The following COL6A6 variants were observed in gnomAD, a reference collection of about 807,000 sequenced individuals.
The protein encoded by COL6A6 is collagen alpha-6(VI) chain.
A neutral mutation model predicts 208.6 loss-of-function variants in COL6A6; 183 were observed. The ratio of observed to expected loss-of-function variants is 0.88; its 90% confidence interval spans 0.78 to 0.99. The LOEUF (loss-of-function observed/expected upper bound fraction) is 0.99. COL6A6 is among the 50% of genes least tolerant of loss of function. The probability of loss-of-function intolerance (pLI) is 0.00; values close to 1 mark genes in which losing one functional copy is unlikely to be tolerated. For missense variants in COL6A6, 2,816 were observed against 2,815.2 expected, an observed-to-expected ratio of 1.00 and a Z score of -0.01; for synonymous variants, 973 against 1,011.8, an observed-to-expected ratio of 0.96 and a Z score of 0.73.
At chr3:130,563,860 C>T (rs187258078) in intron 3 of COL6A6, among the ~76,000 whole-genome samples, 196 bp downstream of exon 3, 1 of 152,308 alleles carries the variant, frequency 6.6e-6, no homozygotes. Context: ...CTTGGTTTTT[C>T]ATGTTTCACT....
At chr3:130,643,932 G>A (rs139698809) in intron 31 of COL6A6, among the ~76,000 whole-genome samples, 56 of 152,304 alleles carry the variant, frequency 3.7e-4, no homozygotes, top group African/African-American at 1.2e-3. Flanking sequence ...CAAAACACAT[G>A]TATACATTGA....
At chr3:130,635,889 G>A in intron 28 of COL6A6, 128 bp downstream of exon 28, 1 of 665,960 alleles carries the variant, frequency 1.5e-6, no homozygotes. Context: ...TTCTATTAAG[G>A]CAAACTTGGG....
At position 130,660,031 on chromosome 3, in the gene COL6A6, T is replaced by C. The variant is rs114071819; in HGVS notation, c.5830+1259T>C. Among the ~76,000 whole-genome samples, 511 of 152,352 alleles carry C rather than the reference T, an allele frequency of 3.4e-3. 4 individuals are homozygous for C. The highest frequency in any genetic ancestry group is 0.012 in the African/African-American group (480 of 41,590). ...TACTGTGGGGAGATACATTCCACCC[T>C]ATGTATTCTCAGTTGCTTTTTCAAA... On this transcript the variant is annotated intron_variant, in intron 34 of 36. Coordinates refer to ENST00000358511, the MANE Select transcript of COL6A6 (RefSeq NM_001102608.3).
At position 130,606,975 on chromosome 3, in the gene COL6A6, AT is replaced by A; in HGVS notation, c.4689+14del. The A allele has an allele frequency of 6.2e-7, 1 of 1,604,656 alleles. No homozygotes were observed. The highest frequency in any genetic ancestry group is 8.5e-7 in the Non-Finnish European group (1 of 1,174,684). ...GACATACAGGCCCACAGGTACAATG[AT>A]TTTTCCCCTTAACTCCAAATAACAA... On this transcript the variant is annotated intron_variant, in intron 21 of 36. Coordinates refer to ENST00000358511, the MANE Select transcript of COL6A6 (RefSeq NM_001102608.3).
In COL6A6 at chr3:130,608,939, G is replaced by T. The variant is rs748697530; in HGVS notation, c.4727G>T (p.Gly1576Val). ...ATCCCAGGACCAGATGGACTTGAAG[G>T]CTCCCTGGGACTTAAGGGCCCTCAG... ...AGIPGPDGLE[G>V]SLGLKGPQGP... The change falls in exon 22 of 37, where the codon GGC (glycine) becomes GTC (valine). Residue 1576 changes from glycine (G) to valine (V), a missense_variant. By Grantham distance (109) the Gly-to-Val change is moderately radical. Coordinates refer to ENST00000358511, the MANE Select transcript of COL6A6 (RefSeq NM_001102608.3). 5 of 1,613,330 alleles carry T rather than the reference G, an allele frequency of 3.1e-6. No homozygotes were observed. Among genetic ancestry groups the T allele is most frequent in the Non-Finnish European group, 4.2e-6 (5 of 1,179,574 alleles).
chr3:130,568,719 T>C (rs1209145518), intron 6 of COL6A6, 115 bp downstream of exon 6: 3 of 1,034,300 alleles, frequency 2.9e-6, no homozygotes, highest in East Asian at 5.1e-5. Context: ...TTAATTGAAA[T>C]GTTTCTCCTA....
intron 1 of COL6A6, among the ~76,000 whole-genome samples, chr3:130,534,520 C>G (rs1257294789): frequency 6.6e-6 from 1 of 152,094 alleles, no homozygotes; most frequent in African/African-American, 2.4e-5. Context: ...TTAATTTCTT[C>G]CAAAGTCATA....
intron 19 of COL6A6, among the ~76,000 whole-genome samples, 199 bp downstream of exon 19, chr3:130,598,629 C>T (rs768620651): frequency 1.5e-4 from 23 of 152,162 alleles, no homozygotes; most frequent in Admixed American, 1.2e-3. Context: ...TTGCCTTCCT[C>T]CTCTAAATTT....
In COL6A6 at chr3:130,658,758, G is replaced by A; in HGVS notation, c.5816G>A (p.Cys1939Tyr). ...YIPALERLQR[C>Y]TFCYDVCKPD... ...CCAGCATTAGAGAGACTCCAGCGGT[G>A]CACTTTCTGCTATGGTAAGACCCAC... Residue 1939 changes from cysteine to tyrosine, a missense_variant, in exon 34 of 37, where the codon TGC becomes TAC. Transcript: ENST00000358511. 1 of 1,611,146 alleles carries A rather than the reference G, an allele frequency of 6.2e-7. No homozygotes were observed.
intron 1 of COL6A6, among the ~76,000 whole-genome samples, chr3:130,535,746 A>G (rs1326331343): frequency 6.6e-6 from 1 of 152,074 alleles, no homozygotes; most frequent in African/African-American, 2.4e-5. Context: ...TACCATATGG[A>G]TTTTGTAGGG....
At chr3:130,599,496 A>T (rs2063945894) in intron 19 of COL6A6, among the ~76,000 whole-genome samples, 1 of 152,188 alleles carries the variant, frequency 6.6e-6, no homozygotes, top group South Asian at 2.1e-4. Context: ...TGAGACATGT[A>T]CCCCAAATAC....
chr3:130,664,968 G>T, intron 35 of COL6A6, 35 bp from the exon 36 acceptor site: 1 of 1,380,790 alleles, frequency 7.2e-7, no homozygotes, highest in South Asian at 1.2e-5. Flanking sequence ...TAACAGTCAT[G>T]AATACAAGAC....
At chr3:130,609,544 G>T (rs1295367644) in intron 22 of COL6A6, among the ~76,000 whole-genome samples, 1 of 152,102 alleles carries the variant, frequency 6.6e-6, no homozygotes, top group African/African-American at 2.4e-5. Flanking sequence ...CACATGAGGG[G>T]CCAGAGAGGG....
intron 28 of COL6A6, among the ~76,000 whole-genome samples, chr3:130,637,456 G>A (rs1221289136): frequency 6.6e-6 from 1 of 151,946 alleles, no homozygotes; most frequent in African/African-American, 2.4e-5. Context: ...CTTTGAAAAT[G>A]TTTGAAAATT....
chr3:130,548,834 T>C (rs971531872), intron 1 of COL6A6, among the ~76,000 whole-genome samples: 21 of 152,356 alleles, frequency 1.4e-4, no homozygotes, highest in Admixed American at 3.9e-4. Context: ...TGGATTTCTT[T>C]TCTGGTAAGT....
At chr3:130,673,510 G>A (rs2066285347) in intron 36 of COL6A6, among the ~76,000 whole-genome samples, 1 of 152,110 alleles carries the variant, frequency 6.6e-6, no homozygotes, top group South Asian at 2.1e-4. Context: ...GCGTGAAGGG[G>A]CTAGGGAAGA....
In COL6A6 at chr3:130,644,192, T is replaced by G. The variant is rs201558620; in HGVS notation, c.5228-799T>G. Reference sequence around the variant, plus strand: ...GCATATTTTATTTTATAAGAGTATGTGATTGTGCGAACAACATGGCTAGGG... The same window carrying G: ...GCATATTTTATTTTATAAGAGTATGGGATTGTGCGAACAACATGGCTAGGG... On this transcript the variant is annotated intron_variant, in intron 31 of 36. Coordinates refer to ENST00000358511, the MANE Select transcript of COL6A6 (RefSeq NM_001102608.3). 2.6e-5 allele frequency among the ~76,000 whole-genome samples: 4 copies of G among 152,340 alleles called. No individual in the cohort carries two copies. The East Asian group carries it at 7.7e-4, about 29-fold the overall frequency.
chr3:130,602,945 G>C (rs2064069761), intron 20 of COL6A6, among the ~76,000 whole-genome samples: 1 of 152,172 alleles, frequency 6.6e-6, no homozygotes, highest in Non-Finnish European at 1.5e-5. Context: ...AAAATCTAGT[G>C]TTCACTGCAG....
chr3:130,676,905 A>T lies in COL6A6; in HGVS notation c.*1508A>T, dbSNP rs8969. ...CAGGAAATTAATGAGCAATATTTACAATGTATTTTAATAAAAGGGATTTTT... is the reference window on the plus strand; with the variant it reads ...CAGGAAATTAATGAGCAATATTTACTATGTATTTTAATAAAAGGGATTTTT... On this transcript the variant is annotated 3_prime_UTR_variant, in exon 37 of 37. Transcript: ENST00000358511. 2 of 152,104 alleles carry T rather than the reference A, an allele frequency of 1.3e-5. No homozygotes were observed. Among genetic ancestry groups the T allele is most frequent in the Admixed American group, 1.3e-4 (2 of 15,266 alleles). 9.4% of individuals were successfully genotyped at this position (152,104 alleles called of 1,614,324 possible).
Sources: gnomAD v4.1 joint callset for allele counts (sites outside exome capture counted in the v4.1 genomes callset) on GRCh38, gnomAD v4.1.1 for gene constraint, MANE v1.5 for transcripts, NCBI Gene and HGNC (gene_info 2026-07-23, HGNC 2026-07-21) for gene names.